The following GALNT2 variants were observed in gnomAD, a reference collection of about 807,000 sequenced individuals.
GALNT2 encodes UDP-GalNAc:polypeptide N-acetylgalactosaminyltransferase 2.
Under a neutral mutation model 81.4 loss-of-function variants are expected in GALNT2, and 31 were observed. The observed-to-expected ratio is 0.38, with a 90% CI of 0.29 to 0.51. The LOEUF is 0.51. Among genes scored for constraint, GALNT2 ranks in the 20% least tolerant of loss-of-function variants. GALNT2 has a pLI of 0.87. For missense variants in GALNT2, 629 were observed against 765.7 expected, an observed-to-expected ratio of 0.82 and a Z score of 2.11; for synonymous variants, 303 against 287.4, an observed-to-expected ratio of 1.05 and a Z score of -0.55.
chr1:230,067,711 G>C (rs1159259368), intron 1 of GALNT2, among the ~76,000 whole-genome samples: 1 of 152,142 alleles, frequency 6.6e-6, no homozygotes, highest in African/African-American at 2.4e-5. Flanking sequence ...CATCCCCTGC[G>C]GTTGGAAGTT....
chr1:230,197,757 T>TGTGTGTGCATGC (rs1420725161), intron 2 of GALNT2, among the ~76,000 whole-genome samples: 2 of 152,078 alleles, frequency 1.3e-5, no homozygotes, highest in Non-Finnish European at 2.9e-5. Context: ...GCTCTGTGTG[T>TGTGTGTGCATGC]GTGTGTGCAT....
At chr1:230,195,914 A>G (rs1272947594) in intron 2 of GALNT2, among the ~76,000 whole-genome samples, 1 of 152,038 alleles carries the variant, frequency 6.6e-6, no homozygotes, top group Non-Finnish European at 1.5e-5. Flanking sequence ...CAATCCTCAG[A>G]TAGGGGCAGG....
chr1:230,109,833 A>C (rs1379470602), intron 1 of GALNT2, among the ~76,000 whole-genome samples: 1 of 146,794 alleles, frequency 6.8e-6, no homozygotes, highest in Non-Finnish European at 1.5e-5. Flanking sequence ...TTCGTCTCCA[A>C]AAAAAAAAAA....
At chr1:230,136,929 G>A (rs1412021178) in intron 1 of GALNT2, among the ~76,000 whole-genome samples, 2 of 152,214 alleles carry the variant, frequency 1.3e-5, no homozygotes, top group Non-Finnish European at 2.9e-5. Flanking sequence ...CTTCACGGAT[G>A]CTTTCACCTC....
chr1:230,234,314 G>T (rs1468014660), intron 3 of GALNT2, among the ~76,000 whole-genome samples: 1 of 152,086 alleles, frequency 6.6e-6, no homozygotes, highest in African/African-American at 2.4e-5. Flanking sequence ...GAGAGACCTT[G>T]GTTCTGAGGC....
intron 2 of GALNT2, among the ~76,000 whole-genome samples, chr1:230,198,696 G>A (rs375067019): frequency 2.6e-5 from 4 of 152,154 alleles, no homozygotes; most frequent in South Asian, 2.1e-4. Context: ...TTCTGTCTGC[G>A]GAATAATCAG....
intron 10 of GALNT2, 110 bp downstream of exon 10, chr1:230,250,670 C>T (rs1357388591): frequency 2.9e-6 from 2 of 678,052 alleles, no homozygotes; most frequent in Non-Finnish European, 5.0e-6. Context: ...ATTCACTGGG[C>T]TTAATCGATC....
intron 3 of GALNT2, among the ~76,000 whole-genome samples, chr1:230,218,160 G>A (rs1310200757): frequency 6.6e-6 from 1 of 152,212 alleles, no homozygotes; most frequent in African/African-American, 2.4e-5. Flanking sequence ...CAATGGAGGT[G>A]GTGAGAGGTG....
chr1:230,071,141 C>T (rs186212809), intron 1 of GALNT2, among the ~76,000 whole-genome samples: 1 of 152,302 alleles, frequency 6.6e-6, no homozygotes, highest in East Asian at 1.9e-4. Context: ...TGTAGTGAAC[C>T]AGGAATCTTA....
chr1:230,122,458 A>G (rs546583505), intron 1 of GALNT2, among the ~76,000 whole-genome samples: 2 of 152,074 alleles, frequency 1.3e-5, no homozygotes, highest in Middle Eastern at 3.2e-3. Flanking sequence ...CATCTTTTCA[A>G]ATCATAGCAT....
intron 3 of GALNT2, among the ~76,000 whole-genome samples, chr1:230,228,272 T>C (rs7537056): frequency 0.14 from 20,804 of 152,076 alleles, 2,429 homozygotes; most frequent in East Asian, 0.57. Context: ...GCAGGGTTTT[T>C]TCATGGAACT....
rs531889881 is a variant in GALNT2, at chr1:230,092,550, G to A, written c.126+25144G>A. 2.6e-4 allele frequency among the ~76,000 whole-genome samples: 39 copies of A among 152,024 alleles called. No homozygotes were observed. The South Asian group carries it at 6.5e-3, about 25-fold the overall frequency. On this transcript the variant is annotated intron_variant, in intron 1 of 15. Coordinates refer to ENST00000366672, the MANE Select transcript of GALNT2 (RefSeq NM_004481.5). ...GTAGAGATGGGGTTTCACCATGTTG[G>A]CCAGGCTGATCTCGAACTCCTGACC...
At chr1:230,267,973 G>A (rs1014328465) in intron 14 of GALNT2, among the ~76,000 whole-genome samples, 6 of 152,322 alleles carry the variant, frequency 3.9e-5, no homozygotes, top group East Asian at 1.9e-4. Flanking sequence ...TGGAGGAGGC[G>A]TCTCCGCTGG....
chr1:230,160,104 T>G (rs1055292853), intron 1 of GALNT2, among the ~76,000 whole-genome samples: 1 of 152,216 alleles, frequency 6.6e-6, no homozygotes, highest in Non-Finnish European at 1.5e-5. Context: ...CACCATCATC[T>G]CATAGTCCTT....
intron 1 of GALNT2, among the ~76,000 whole-genome samples, chr1:230,107,066 C>T (rs1464159978): frequency 6.6e-6 from 1 of 152,182 alleles, no homozygotes; most frequent in African/African-American, 2.4e-5. Flanking sequence ...AGGAATTCCA[C>T]GCTCCGCAGG....
rs569073037 is a variant in GALNT2 at position 230,178,101 on chromosome 1, A to T, written c.127-117A>T. ...TTAAGATGTGCCCTCCCTCCTGCTCATCAGTGCATCCCCAGGGCCAAGTGT... is the reference window on the plus strand; with the variant it reads ...TTAAGATGTGCCCTCCCTCCTGCTCTTCAGTGCATCCCCAGGGCCAAGTGT... On this transcript the variant is annotated intron_variant, in intron 1 of 15. Coordinates refer to ENST00000366672, the MANE Select transcript of GALNT2 (RefSeq NM_004481.5). 4.4e-6 allele frequency: 3 copies of T among 688,988 alleles called. No individual in the cohort carries two copies. In the South Asian group the frequency reaches 6.5e-5, roughly 15 times the overall value. 42.7% of individuals were successfully genotyped at this position (688,988 alleles called of 1,614,324 possible).
intron 1 of GALNT2, among the ~76,000 whole-genome samples, chr1:230,129,637 C>G (rs1661304671): frequency 6.6e-6 from 1 of 152,214 alleles, no homozygotes; most frequent in African/African-American, 2.4e-5. Context: ...TTAACTCTTT[C>G]AAGAGGAAAC....
Position 230,261,243 on chromosome 1 carries a change from G to C in GALNT2, c.1137-1330G>C, listed in dbSNP as rs139757393. On this transcript the variant is annotated intron_variant, in intron 11 of 15. Transcript: ENST00000366672. ...TCATATGTTCTTATCTGTGTTGAAT[G>C]GCATTATGGATAATAGTCCATATTC... Among the ~76,000 whole-genome samples, 107 of 152,158 alleles carry C rather than the reference G, an allele frequency of 7.0e-4. 2 individuals carry two copies. The East Asian group carries it at 0.019, about 27-fold the overall frequency.
At position 230,250,527 on chromosome 1, in the gene GALNT2, A is replaced by G. The variant is rs1490001955; in HGVS notation, c.976A>G (p.Met326Val). ...FYFEELGKYD[M>V]MMDVWGGENL... The stretch of plus-strand genomic sequence containing the variant: ...TTTTGAAGAACTGGGGAAGTACGAC[A>G]TGATGATGGATGTGTGGGGAGGAGA... Residue 326 changes from methionine (M) to valine (V), a missense_variant, in exon 10 of 16, where the codon ATG becomes GTG. Met to Val is a conservative substitution (Grantham distance 21). This residue lies in a region of GALNT2 where 360 missense variants were observed against 492.8 expected (regional missense o/e 0.73). Transcript: ENST00000366672. 1.9e-6 allele frequency: 3 copies of G among 1,613,612 alleles called. No individual in the cohort carries two copies. Among genetic ancestry groups the G allele is most frequent in the East Asian group, 2.2e-5 (1 of 44,880 alleles).
Sources: gnomAD v4.1 joint callset for allele counts (sites outside exome capture counted in the v4.1 genomes callset) on GRCh38, gnomAD v4.1.1 for gene constraint, gnomAD v4.1.1 regional missense constraint, MANE v1.5 for transcripts, NCBI Gene and HGNC (gene_info 2026-07-23, HGNC 2026-07-21) for gene names.